Variants in ITPR1 observed in about 807,000 individuals in gnomAD.
ITPR1 encodes the protein inositol 1,4,5-trisphosphate-gated calcium channel ITPR1.
Under a neutral mutation model 318.4 loss-of-function variants are expected in ITPR1, and 96 were observed. That is an observed-to-expected ratio of 0.30 (90% confidence interval 0.26 to 0.36). The LOEUF is 0.36. Ranked by LOEUF, ITPR1 falls within the 10% of genes least tolerant of loss-of-function variation. The pLI, the probability that ITPR1 is intolerant of heterozygous loss-of-function variation, is 1.00. For missense variants in ITPR1, 2,440 were observed against 3,460.2 expected (o/e 0.71, Z 7.40); for synonymous variants, 1,312 against 1,289.9 (o/e 1.02, Z -0.37).
At chr3:4,705,880 C>A (rs2094746481) in intron 36 of ITPR1, among the ~76,000 whole-genome samples, 1 of 152,210 alleles carries the variant, frequency 6.6e-6, no homozygotes, top group Non-Finnish European at 1.5e-5. Context: ...AGAAGCCATT[C>A]ATTGAGGAAA....
intron 6 of ITPR1, among the ~76,000 whole-genome samples, chr3:4,639,811 T>C (rs1034324767): frequency 2.0e-5 from 3 of 152,140 alleles, no homozygotes; most frequent in South Asian, 2.1e-4. Context: ...CGGTGAAAAT[T>C]AGCTTCCCTA....
chr3:4,645,247 T>C, intron 8 of ITPR1, 140 bp from the exon 9 acceptor site: 1 of 675,020 alleles, frequency 1.5e-6, no homozygotes, highest in East Asian at 2.7e-5. Flanking sequence ...GCAGGTGCTG[T>C]GATTTTAGTG....
chr3:4,597,889 A>G (rs916163662), intron 4 of ITPR1, among the ~76,000 whole-genome samples: 2 of 152,220 alleles, frequency 1.3e-5, no homozygotes, highest in Admixed American at 6.5e-5. Context: ...TCATGCCTGA[A>G]CTTGGTTTTG....
intron 44 of ITPR1, among the ~76,000 whole-genome samples, chr3:4,758,707 A>C (rs1408873457): frequency 6.6e-6 from 1 of 152,208 alleles, no homozygotes; most frequent in Admixed American, 6.5e-5. Context: ...TGAACTAGGT[A>C]ATAAAACACA....
intron 2 of ITPR1, among the ~76,000 whole-genome samples, chr3:4,515,413 G>A (rs1238549982): frequency 5.9e-5 from 9 of 152,188 alleles, no homozygotes; most frequent in Non-Finnish European, 1.2e-4. Flanking sequence ...GGAAAGGGGT[G>A]TAAAGGGGTC....
chr3:4,824,608 G>A (rs937214420), intron 60 of ITPR1, among the ~76,000 whole-genome samples: 3 of 152,070 alleles, frequency 2.0e-5, no homozygotes, highest in South Asian at 2.1e-4. Flanking sequence ...TCCCAGCCCC[G>A]ACCCCGAGTG....
At chr3:4,677,699 G>C (rs2094212518) in intron 24 of ITPR1, among the ~76,000 whole-genome samples, 1 of 152,188 alleles carries the variant, frequency 6.6e-6, no homozygotes, top group South Asian at 2.1e-4. Flanking sequence ...GCGATTGTTG[G>C]TAACATGGTT....
intron 4 of ITPR1, among the ~76,000 whole-genome samples, chr3:4,578,828 C>T (rs146467901): frequency 6.6e-6 from 1 of 152,290 alleles, no homozygotes; most frequent in African/African-American, 2.4e-5. Flanking sequence ...TGTGTGAACA[C>T]ACAACCCTTA....
intron 55 of ITPR1, among the ~76,000 whole-genome samples, chr3:4,810,382 A>G (rs761086266): frequency 1.3e-5 from 2 of 152,210 alleles, no homozygotes; most frequent in Non-Finnish European, 1.5e-5. Flanking sequence ...AAAACTAGCC[A>G]TCATCCTCCC....
intron 48 of ITPR1, 138 bp downstream of exon 48, chr3:4,777,512 A>C: frequency 1.6e-6 from 1 of 621,882 alleles, no homozygotes; most frequent in East Asian, 2.8e-5. Context: ...CCAGGTTGCT[A>C]GTGCTGACTA....
Position 4,780,232 on chromosome 3 carries a change from G to A in ITPR1, c.6387+587G>A, listed in dbSNP as rs151271971. Among the ~76,000 whole-genome samples, 75 of 152,290 alleles carry A rather than the reference G, an allele frequency of 4.9e-4. 1 individual carries two copies. The highest frequency in any genetic ancestry group is 1.6e-3 in the African/African-American group (67 of 41,558). ...GCACCTGATACACCCTTAATGAACG[G>A]AAGTTCCTTTTCCTTTTTCTTTCCT... is the stretch of plus-strand genomic sequence containing the variant. On this transcript the variant is annotated intron_variant, in intron 49 of 61. Transcript: ENST00000649015.
In ITPR1 at chr3:4,662,253, C is replaced by T. The variant is rs7632000; in HGVS notation, c.1412+11C>T. ...CCAGAATGAAAGGAGGTGAGCACTCCCGCATGCTCAGCACAGCCGCCCTCC... is the reference window on the plus strand; with the variant it reads ...CCAGAATGAAAGGAGGTGAGCACTCTCGCATGCTCAGCACAGCCGCCCTCC... On this transcript the variant is annotated intron_variant, in intron 15 of 61. Coordinates refer to ENST00000649015, the MANE Select transcript of ITPR1 (RefSeq NM_001378452.1). 0.025 allele frequency: 38,824 copies of T among 1,582,676 alleles called. 1,227 individuals carry two copies. Among genetic ancestry groups the T allele is most frequent in the East Asian group, 0.12 (5,232 of 44,256 alleles).
At position 4,811,457 on chromosome 3, in the gene ITPR1, C is replaced by G. The variant is rs1559938063; in HGVS notation, c.7465C>G (p.Pro2489Ala). The G allele has an allele frequency of 6.2e-7, 1 of 1,612,812 alleles. No individual in the cohort carries two copies. Residue 2489 changes from proline (P) to alanine (A), a missense_variant, in exon 56 of 62, where the codon CCA becomes GCA. Pro to Ala is a conservative substitution (Grantham distance 27). Transcript: ENST00000649015. ...VDRLPNETAVPETGESLASEF... is the reference protein window; with the variant it reads ...VDRLPNETAVAETGESLASEF... ...TAGGCTGCCCAATGAAACAGCTGTT[C>G]CAGGTGGGTTTGGGATCTTCTGATC...
At chr3:4,690,288 A>T (rs2094459764) in intron 31 of ITPR1, among the ~76,000 whole-genome samples, 1 of 152,222 alleles carries the variant, frequency 6.6e-6, no homozygotes, top group African/African-American at 2.4e-5. Flanking sequence ...TAAATAAATA[A>T]GTAAATAAGA....
At chr3:4,692,370 T>C (rs1239527408) in intron 32 of ITPR1, among the ~76,000 whole-genome samples, 2 of 152,220 alleles carry the variant, frequency 1.3e-5, no homozygotes, top group South Asian at 2.1e-4. Context: ...CCGGTCATAC[T>C]CTAGGCACAG....
At chr3:4,679,016 G>A (rs577486245) in intron 24 of ITPR1, among the ~76,000 whole-genome samples, 1 of 152,304 alleles carries the variant, frequency 6.6e-6, no homozygotes, top group East Asian at 1.9e-4. Context: ...GGCTGATTTG[G>A]TGAATTTGGT....
Position 4,725,579 on chromosome 3 carries a change from G to A in ITPR1, c.5170G>A (p.Glu1724Lys), listed in dbSNP as rs1056390884. ...AGCTCCGGATTCTGAGAACGCCACT[G>A]AGGTGTGTTGCCCGCCTATATTTGT... ...PPAPDSENAT[E>K]ELEPSPPLRQ... Residue 1724 changes from glutamate (E) to lysine (K), a missense_variant and splice_region_variant, in exon 41 of 62, where the codon GAG becomes AAG. Physicochemically the swap from Glu to Lys is moderately conservative, Grantham distance 56 (BLOSUM62 1). Transcript: ENST00000649015. 7 of 1,598,784 alleles carry A rather than the reference G, an allele frequency of 4.4e-6. No individual in the cohort carries two copies. The Admixed American group carries it at 5.0e-5, about 11-fold the overall frequency.
intron 5 of ITPR1, among the ~76,000 whole-genome samples, chr3:4,632,002 A>T (rs535740893): frequency 3.9e-5 from 6 of 152,220 alleles, no homozygotes; most frequent in African/African-American, 1.2e-4. Flanking sequence ...ATACAATTGT[A>T]TGGGATAAAT....
At chr3:4,744,926 TTCCTTCCTTCCTTCCTTCCTTCCC>T (rs71053439) in intron 44 of ITPR1, among the ~76,000 whole-genome samples, 10 of 40,820 alleles carry the variant, frequency 2.4e-4, no homozygotes, top group Admixed American at 1.1e-3. Flanking sequence ...CCTTCCTTCC[TTCCTTCCTTCCTTCCTTCCTTCCC>T]TCCCTCCCTC....
Sources: allele counts gnomAD v4.1 joint callset (sites outside exome capture counted in the v4.1 genomes callset), GRCh38; gene constraint gnomAD v4.1.1; transcripts MANE v1.5; gene names NCBI Gene and HGNC (gene_info 2026-07-23, HGNC 2026-07-21).